Variants in KMT2C observed in about 807,000 individuals in gnomAD.
KMT2C encodes the protein lysine methyltransferase 2C.
Under a neutral mutation model 507.9 loss-of-function variants are expected in KMT2C, and 88 were observed. The observed-to-expected ratio is 0.17, with a 90% confidence interval of 0.15 to 0.21. KMT2C has a LOEUF of 0.21. Among genes scored for constraint, KMT2C ranks in the 10% least tolerant of loss-of-function variants. The probability of loss-of-function intolerance (pLI) is 1.00; values close to 1 mark genes in which losing one functional copy is unlikely to be tolerated. For missense variants in KMT2C, 4,954 were observed against 5,957.8 expected (o/e 0.83, Z 5.55); for synonymous variants, 2,049 against 2,080.8 (o/e 0.98, Z 0.42).
intron 6 of KMT2C, among the ~76,000 whole-genome samples, chr7:152,280,537 C>G (rs1411870445): frequency 1.3e-5 from 2 of 151,802 alleles, no homozygotes; most frequent in African/African-American, 2.4e-5. Flanking sequence ...GGCGGCAGAT[C>G]AAGAAAGAAA....
At chr7:152,201,767 AAAGT>A (rs571022915) in intron 26 of KMT2C, among the ~76,000 whole-genome samples, 40 of 152,288 alleles carry the variant, frequency 2.6e-4, no homozygotes, top group African/African-American at 9.6e-4. Context: ...GGATATACAA[AAAGT>A]AAGGCACAGG....
intron 1 of KMT2C, among the ~76,000 whole-genome samples, chr7:152,416,956 T>C (rs1589892901): frequency 7.1e-6 from 1 of 140,554 alleles, no homozygotes; most frequent in Admixed American, 7.8e-5. Context: ...CGCTGACACA[T>C]GAGAATCCCT....
intron 17 of KMT2C, 73 bp downstream of exon 17, chr7:152,230,147 G>A (rs1378890850): frequency 9.6e-7 from 1 of 1,040,294 alleles, no homozygotes; most frequent in Non-Finnish European, 1.5e-6. Context: ...AATGACTTCT[G>A]TGTATATGAG....
At chr7:152,196,516 C>G (rs932958387) in intron 27 of KMT2C, among the ~76,000 whole-genome samples, 3 of 152,158 alleles carry the variant, frequency 2.0e-5, no homozygotes, top group African/African-American at 7.2e-5. Context: ...ATTACTCACT[C>G]ATTTATTTTA....
At chr7:152,433,694 C>T (rs993427571) in intron 1 of KMT2C, among the ~76,000 whole-genome samples, 1 of 152,212 alleles carries the variant, frequency 6.6e-6, no homozygotes, top group African/African-American at 2.4e-5. Flanking sequence ...TGTTATTCAG[C>T]AGAAATTTTT....
intron 2 of KMT2C, among the ~76,000 whole-genome samples, chr7:152,346,481 A>AGT (rs1205870917): frequency 6.6e-6 from 1 of 152,252 alleles, no homozygotes; most frequent in East Asian, 1.9e-4. Flanking sequence ...CTTCTAAATA[A>AGT]CACATAGGTC....
intron 14 of KMT2C, among the ~76,000 whole-genome samples, chr7:152,241,542 G>A (rs1327970448): frequency 6.6e-6 from 1 of 152,160 alleles, no homozygotes; most frequent in Non-Finnish European, 1.5e-5. Flanking sequence ...TTTCTCAACA[G>A]CAGACCTTTC....
In KMT2C at chr7:152,178,010, T is replaced by TA. The variant is rs2093277589; in HGVS notation, c.7443-1_7443insT (p.Arg2481SerfsTer8). On this transcript the variant is annotated frameshift_variant and splice_region_variant. Transcript: ENST00000262189. LOFTEE classifies it high-confidence loss of function. Reference sequence around the variant, plus strand: ...CATGACTACCTCCTGGAAATCCAAATCTTTTAAAAAAAAAAAAAAAAAAAA... The same window carrying TA: ...CATGACTACCTCCTGGAAATCCAAATACTTTTAAAAAAAAAAAAAAAAAAAA... 2.1e-6 allele frequency: 1 copy of TA among 466,154 alleles called. No individual in the cohort carries two copies. The highest frequency in any genetic ancestry group is 2.9e-6 in the Non-Finnish European group (1 of 346,956). The allele number at this position is 466,154 out of a possible 1,614,324, so 28.9% of individuals were successfully genotyped here.
chr7:152,162,594 C>T lies in KMT2C; in HGVS notation c.10983G>A (p.Val3661=). ...ELPQQADQES[V]EPVGPSTPNM... is the part of the protein sequence containing the mutation. ...TGGGAGTGGATGGGCCGACTGGTTC[C>T]ACCGACTCTTGGTCGGCTTGTTGAG... Residue 3661 remains valine, a synonymous_variant, in exon 43 of 59, where the codon GTG becomes GTA. Transcript: ENST00000262189. 6.2e-7 allele frequency: 1 copy of T among 1,614,202 alleles called. No individual in the cohort carries two copies. The highest frequency in any genetic ancestry group is 2.2e-5 in the East Asian group (1 of 44,884).
At position 152,290,210 on chromosome 7, in the gene KMT2C, T is replaced by TTA. The variant is rs560278783; in HGVS notation, c.850-16345_850-16344dup. ...AAATTGCAAGGTAGTCTAATAAATTTTATATATATATGTGTGTGTGTGTGT... is the reference window on the plus strand; with the variant it reads ...AAATTGCAAGGTAGTCTAATAAATTTTATATATATATATGTGTGTGTGTGTGT... On this transcript the variant is annotated intron_variant, in intron 6 of 58. Coordinates refer to ENST00000262189, the MANE Select transcript of KMT2C (RefSeq NM_170606.3). Among the ~76,000 whole-genome samples, 225 of 114,934 alleles carry TTA rather than the reference T, an allele frequency of 2.0e-3. 2 individuals are homozygous for TTA. The highest frequency in any genetic ancestry group is 3.1e-3 in the Admixed American group (34 of 10,874). 75.4% of individuals were successfully genotyped at this position (114,934 alleles called of 152,430 possible).
At chr7:152,198,334 C>A (rs1005389925) in intron 27 of KMT2C, among the ~76,000 whole-genome samples, 1 of 152,172 alleles carries the variant, frequency 6.6e-6, no homozygotes, top group African/African-American at 2.4e-5. Flanking sequence ...GTCAGTATTT[C>A]AATTCAGGAT....
chr7:152,164,214 T>C (rs947923112), intron 42 of KMT2C, among the ~76,000 whole-genome samples: 4 of 152,072 alleles, frequency 2.6e-5, no homozygotes, highest in African/African-American at 9.7e-5. Flanking sequence ...TATACAATGT[T>C]AGAATAACAG....
rs762134983 is a variant in KMT2C at position 152,148,273 on chromosome 7, T to C, written c.13654A>G (p.Ser4552Gly). ...GERDHTFRVG[S>G]LIFHTIGQLL... Reference sequence around the variant, plus strand: ...TGACCAATTGTGTGGAAGATGAGGCTACCCACGCGAAAGGTATGGTCCCGT... The same window carrying C: ...TGACCAATTGTGTGGAAGATGAGGCCACCCACGCGAAAGGTATGGTCCCGT... Residue 4552 changes from serine (S) to glycine (G), a missense_variant, in exon 52 of 59, where the codon AGC becomes GGC. By Grantham distance (56) the Ser-to-Gly change is moderately conservative (BLOSUM62 0). Coordinates refer to ENST00000262189, the MANE Select transcript of KMT2C (RefSeq NM_170606.3). This position sits in a 1 kb window ranked among gnomAD's most constrained non-coding sequence, Gnocchi z 7.1. 2 of 1,614,238 alleles carry C rather than the reference T, an allele frequency of 1.2e-6. No homozygotes were observed. Among genetic ancestry groups the C allele is most frequent in the South Asian group, 2.2e-5 (2 of 91,082 alleles).
intron 7 of KMT2C, among the ~76,000 whole-genome samples, chr7:152,268,736 ATAAAC>A (rs1222323215): frequency 6.6e-6 from 1 of 152,188 alleles, no homozygotes; most frequent in Non-Finnish European, 1.5e-5. Context: ...GGGGGAAATA[ATAAAC>A]TAATTATCAG....
intron 23 of KMT2C, among the ~76,000 whole-genome samples, chr7:152,218,739 A>C (rs2094665682): frequency 6.6e-6 from 1 of 151,796 alleles, no homozygotes; most frequent in South Asian, 2.1e-4. Flanking sequence ...CACATCTCTA[A>C]TCTTCTCACC....
chr7:152,375,497 T>C (rs1188565114), intron 1 of KMT2C, among the ~76,000 whole-genome samples: 3 of 151,680 alleles, frequency 2.0e-5, no homozygotes, highest in African/African-American at 7.3e-5. Flanking sequence ...GCAATTCTTC[T>C]GCCTCAGTCT....
At chr7:152,172,698 C>T (rs2093021348) in intron 39 of KMT2C, among the ~76,000 whole-genome samples, 2 of 152,172 alleles carry the variant, frequency 1.3e-5, no homozygotes, top group African/African-American at 4.8e-5. Context: ...AAACAAAAAC[C>T]AAAACAAAAC....
intron 14 of KMT2C, among the ~76,000 whole-genome samples, chr7:152,241,772 T>C (rs1278262958): frequency 6.6e-6 from 1 of 152,236 alleles, no homozygotes; most frequent in Non-Finnish European, 1.5e-5. Context: ...TAATATTATG[T>C]TGGCAGTAGA....
At chr7:152,276,172 C>A (rs76686927) in intron 6 of KMT2C, among the ~76,000 whole-genome samples, 771 of 131,618 alleles carry the variant, frequency 5.9e-3, no homozygotes, top group Non-Finnish European at 6.2e-3. Flanking sequence ...TCAAACCCAT[C>A]TGTTACAATT....
Sources: allele counts gnomAD v4.1 joint callset (sites outside exome capture counted in the v4.1 genomes callset), GRCh38; gene constraint gnomAD v4.1.1; non-coding constraint Gnocchi (gnomAD v3.1); transcripts MANE v1.5; gene names NCBI Gene and HGNC (gene_info 2026-07-23, HGNC 2026-07-21).